The following STAU2 variants were observed in gnomAD, a reference collection of about 807,000 sequenced individuals.
The protein encoded by STAU2 is staufen double-stranded RNA binding protein 2.
A neutral mutation model predicts 65.9 loss-of-function variants in STAU2; 20 were observed. The observed-to-expected ratio is 0.30, with a 90% CI of 0.21 to 0.44. The LOEUF is 0.44. Among genes scored for constraint, STAU2 ranks in the 20% least tolerant of loss-of-function variants. The pLI is 1.00. For missense variants in STAU2, 558 were observed against 683.9 expected, an observed-to-expected ratio of 0.82 and a Z score of 2.05; for synonymous variants, 232 against 233.9, an observed-to-expected ratio of 0.99 and a Z score of 0.07.
intron 6 of STAU2, among the ~76,000 whole-genome samples, chr8:73,650,951 G>A (rs993643605): frequency 1.3e-5 from 2 of 152,234 alleles, no homozygotes; most frequent in Non-Finnish European, 2.9e-5. Flanking sequence ...AGTCGATAAA[G>A]GAACATCTTT....
At chr8:73,561,514 G>A (rs1396162814) in intron 12 of STAU2, 2 of 454,438 alleles carry the variant, frequency 4.4e-6, no homozygotes, top group African/African-American at 4.0e-5. Flanking sequence ...ATTCTTCTCA[G>A]AAAAACTCCA....
chr8:73,584,749 C>A (rs1810240541), intron 11 of STAU2, among the ~76,000 whole-genome samples: 1 of 152,084 alleles, frequency 6.6e-6, no homozygotes, highest in Non-Finnish European at 1.5e-5. Flanking sequence ...GAGTTTGGAA[C>A]TATTAAGAAG....
chr8:73,467,684 T>C lies in STAU2; in HGVS notation c.1531-44982A>G, dbSNP rs139014094. Among the ~76,000 whole-genome samples the C allele has an allele frequency of 8.2e-3, 1,245 of 152,302 alleles. 24 individuals carry two copies. Among genetic ancestry groups the C allele is most frequent in the African/African-American group, 0.028 (1,155 of 41,568 alleles). ...ACTTGCCTCCAAATTTAAATGATGG[T>C]AGAGCCAGACAAGAAGCCGTGTCTG... On this transcript the variant is annotated intron_variant, in intron 13 of 14. Coordinates refer to ENST00000524300, the MANE Select transcript of STAU2 (RefSeq NM_001164380.2).
At chr8:73,654,743 G>A (rs1460413800) in intron 6 of STAU2, among the ~76,000 whole-genome samples, 2 of 122,838 alleles carry the variant, frequency 1.6e-5, no homozygotes, top group African/African-American at 3.1e-5. Context: ...CTGGAGTGCA[G>A]TGGCACGATC....
intron 6 of STAU2, chr8:73,668,835 G>T: frequency 2.4e-6 from 1 of 410,290 alleles, no homozygotes; most frequent in Non-Finnish European, 4.3e-6. Flanking sequence ...GAAAAATTCA[G>T]TTCTTCTTAG....
intron 13 of STAU2, among the ~76,000 whole-genome samples, chr8:73,455,903 A>AGATG (rs1243967859): frequency 2.0e-5 from 3 of 152,208 alleles, no homozygotes; most frequent in Non-Finnish European, 4.4e-5. Flanking sequence ...AGTACATATG[A>AGATG]GATGGATGGA....
chr8:73,618,964 G>T (rs1359347232), intron 6 of STAU2, among the ~76,000 whole-genome samples: 1 of 152,130 alleles, frequency 6.6e-6, no homozygotes, highest in South Asian at 2.1e-4. Context: ...TGGGTTTGCT[G>T]GGGGTGGATT....
intron 6 of STAU2, among the ~76,000 whole-genome samples, chr8:73,659,216 C>T (rs780306079): frequency 1.2e-4 from 18 of 152,136 alleles, no homozygotes; most frequent in Non-Finnish European, 1.8e-4. Flanking sequence ...TGAAAGCCCA[C>T]GTATTTATAT....
chr8:73,514,144 T>TC (rs1444761668), intron 13 of STAU2, among the ~76,000 whole-genome samples: 4 of 152,216 alleles, frequency 2.6e-5, no homozygotes, highest in Admixed American at 2.6e-4. Flanking sequence ...GAGCTTTTTT[T>TC]CACTCTTTCA....
intron 13 of STAU2, among the ~76,000 whole-genome samples, chr8:73,516,073 A>C (rs1286316054): frequency 6.6e-6 from 1 of 151,690 alleles, no homozygotes; most frequent in Non-Finnish European, 1.5e-5. Context: ...AGCTGGGACT[A>C]TAGGCACACA....
At chr8:73,578,423 T>C (rs927067758) in intron 12 of STAU2, among the ~76,000 whole-genome samples, 10 of 152,200 alleles carry the variant, frequency 6.6e-5, no homozygotes, top group African/African-American at 2.4e-4. Context: ...TTCTTGTCAA[T>C]GTAATTTTTT....
intron 9 of STAU2, among the ~76,000 whole-genome samples, chr8:73,607,365 C>CATA (rs1423191949): frequency 6.6e-6 from 1 of 152,142 alleles, no homozygotes; most frequent in Non-Finnish European, 1.5e-5. Flanking sequence ...GTCTTTCTCA[C>CATA]ACTTACTTAG....
intron 12 of STAU2, 144 bp from the exon 13 acceptor site, chr8:73,552,463 GGCAGTTGCA>G: frequency 1.4e-6 from 1 of 715,028 alleles, no homozygotes; most frequent in Non-Finnish European, 2.2e-6. Context: ...ATACTGTAGA[GGCAGTTGCA>G]GCTTCTATTG....
intron 3 of STAU2, among the ~76,000 whole-genome samples, chr8:73,737,606 G>A (rs1206109322): frequency 4.2e-5 from 6 of 144,118 alleles, no homozygotes; most frequent in African/African-American, 1.0e-4. Context: ...GTCTTACTAC[G>A]TTACCCAGTC....
intron 3 of STAU2, 73 bp downstream of exon 3, chr8:73,738,211 C>A (rs771187230): frequency 1.2e-5 from 16 of 1,333,882 alleles, no homozygotes; most frequent in Non-Finnish European, 1.6e-5. Flanking sequence ...AAAAGAAAAG[C>A]TGAGTTAAAA....
At position 73,590,193 on chromosome 8, in the gene STAU2, AG is replaced by A. The variant is rs138488025; in HGVS notation, c.1161+4972del. Among the ~76,000 whole-genome samples, 73 of 150,336 alleles carry A rather than the reference AG, an allele frequency of 4.9e-4. 2 individuals are homozygous for A. In the South Asian group the frequency reaches 0.015, roughly 32 times the overall value. ...GAAGAAAAGGTGGAGGAAAAGGAGA[AG>A]GAAGAAAAATAGAAAGAAGGGAGGA... On this transcript the variant is annotated intron_variant, in intron 11 of 14. Transcript: ENST00000524300.
At chr8:73,652,106 T>C (rs1424134982) in intron 6 of STAU2, among the ~76,000 whole-genome samples, 1 of 152,114 alleles carries the variant, frequency 6.6e-6, no homozygotes, top group Non-Finnish European at 1.5e-5. Context: ...AAAAACTGGT[T>C]TTCCAGTTGG....
At chr8:73,668,114 G>C (rs2130373434) in intron 6 of STAU2, among the ~76,000 whole-genome samples, 1 of 152,162 alleles carries the variant, frequency 6.6e-6, no homozygotes, top group South Asian at 2.1e-4. Flanking sequence ...TTTACTCCAA[G>C]TGTTTGTGGG....
At chr8:73,711,409 C>G (rs1324494193) in intron 3 of STAU2, among the ~76,000 whole-genome samples, 1 of 151,974 alleles carries the variant, frequency 6.6e-6, no homozygotes, top group East Asian at 1.9e-4. Context: ...AAAGCAAAAG[C>G]AGAATAATTG....
Sources: gnomAD v4.1 joint callset for allele counts (sites outside exome capture counted in the v4.1 genomes callset) on GRCh38, gnomAD v4.1.1 for gene constraint, MANE v1.5 for transcripts, NCBI Gene and HGNC (gene_info 2026-07-23, HGNC 2026-07-21) for gene names.